Variants in ZNHIT6 observed in about 807,000 individuals in gnomAD.
ZNHIT6 encodes zinc finger HIT-type containing 6, also known as box C/D snoRNA protein 1.
A neutral mutation model predicts 57.2 loss-of-function variants in ZNHIT6; 45 were observed. That is an observed-to-expected ratio of 0.79 (90% confidence interval 0.62 to 1.01). The LOEUF is 1.01. Ranked by LOEUF, ZNHIT6 falls within the 50% of genes least tolerant of loss-of-function variation. ZNHIT6 has a pLI of 0.00. For synonymous variants in ZNHIT6, 188 were observed against 190.0 expected (o/e 0.99, Z 0.09); for missense variants, 528 against 567.3 (o/e 0.93, Z 0.70).
chr1:85,662,712 CTT>C (rs1401891903), intron 8 of ZNHIT6, among the ~76,000 whole-genome samples: 1 of 152,090 alleles, frequency 6.6e-6, no homozygotes, highest in African/African-American at 2.4e-5. Flanking sequence ...GTTTGATGCA[CTT>C]TGTTTTGGGA....
At chr1:85,704,613 TA>T (rs979933841) in intron 4 of ZNHIT6, among the ~76,000 whole-genome samples, 34 of 151,638 alleles carry the variant, frequency 2.2e-4, no homozygotes, top group East Asian at 1.4e-3. Flanking sequence ...TTTCACAATT[TA>T]AAAAAAAATT....
intron 8 of ZNHIT6, among the ~76,000 whole-genome samples, chr1:85,665,865 G>C (rs1038956827): frequency 6.6e-6 from 1 of 152,096 alleles, no homozygotes; most frequent in African/African-American, 2.4e-5. Flanking sequence ...TTATAGAATG[G>C]TATTATTTTA....
At chr1:85,704,004 C>T (rs761397951) in intron 4 of ZNHIT6, among the ~76,000 whole-genome samples, 1 of 151,990 alleles carries the variant, frequency 6.6e-6, no homozygotes, top group African/African-American at 2.4e-5. Flanking sequence ...ATCCAAATGG[C>T]CAATAAAGTA....
chr1:85,678,706 A>G lies in ZNHIT6; in HGVS notation c.1164T>C (p.Arg388=). ...ACAATATTTTTGAAGCATACCTTTG[A>G]CGAATTACAGGATCAGACTTTTCAG... ...IDPEKSDPVI[R]QRLKAYIRSQ... is the part of the protein sequence containing the mutation. The change falls in exon 7 of 10, where the codon CGT becomes CGC. Residue 388 remains arginine (R), a synonymous_variant. Coordinates refer to ENST00000370574, the MANE Select transcript of ZNHIT6 (RefSeq NM_017953.4). 1 of 1,578,692 alleles carries G rather than the reference A, an allele frequency of 6.3e-7. No individual in the cohort carries two copies. Among genetic ancestry groups the G allele is most frequent in the Non-Finnish European group, 8.6e-7 (1 of 1,160,576 alleles).
rs1186536658 is a variant in ZNHIT6 at position 85,708,361 on chromosome 1, G to T, written c.-77C>A. 6.6e-7 allele frequency: 1 copy of T among 1,504,060 alleles called. No individual in the cohort carries two copies. Among genetic ancestry groups the T allele is most frequent in the Non-Finnish European group, 8.9e-7 (1 of 1,126,738 alleles). The allele number at this position is 1,504,060 out of a possible 1,614,324, so 93.2% of individuals were successfully genotyped here. On this transcript the variant is annotated 5_prime_UTR_variant, in exon 1 of 10. Transcript: ENST00000370574. ...TGCACACCAATAGGAGGAATTACCG[G>T]TCGGAATACCTACGGCGGCCCACGT...
intron 5 of ZNHIT6, among the ~76,000 whole-genome samples, chr1:85,694,588 C>T (rs774693178): frequency 6.6e-6 from 1 of 152,082 alleles, no homozygotes; most frequent in African/African-American, 2.4e-5. Flanking sequence ...CAGCCTCCCG[C>T]GTAGCTGGGA....
intron 8 of ZNHIT6, among the ~76,000 whole-genome samples, chr1:85,665,422 C>T (rs1180125114): frequency 5.3e-5 from 8 of 151,954 alleles, no homozygotes; most frequent in South Asian, 2.1e-4. Flanking sequence ...GCCACTGTGC[C>T]GGCCTCAAGT....
intron 5 of ZNHIT6, among the ~76,000 whole-genome samples, chr1:85,695,536 A>G (rs1389212032): frequency 6.6e-6 from 1 of 152,234 alleles, no homozygotes; most frequent in East Asian, 1.9e-4. Flanking sequence ...TATTTTGTTC[A>G]GCTTCAGAAA....
intron 4 of ZNHIT6, 108 bp downstream of exon 4, chr1:85,705,970 G>A (rs1230094971): frequency 7.8e-6 from 7 of 898,318 alleles, no homozygotes; most frequent in African/African-American, 3.4e-5. Flanking sequence ...AATCAGAATA[G>A]CTCTACATCA....
In ZNHIT6 at chr1:85,667,964, A is replaced by AAAAAAAAAAAAAAAAG. The variant is rs1557842173; in HGVS notation, c.1247+9271_1247+9272insCTTTTTTTTTTTTTTT. Among the ~76,000 whole-genome samples, 14 of 106,532 alleles carry AAAAAAAAAAAAAAAAG rather than the reference A, an allele frequency of 1.3e-4. 1 individual carries two copies. The highest frequency in any genetic ancestry group is 4.4e-3 in the Middle Eastern group (1 of 228). The allele number at this position is 106,532 out of a possible 152,430, so 69.9% of individuals were successfully genotyped here. A position where few individuals can be genotyped will look rare whatever the true frequency, so the allele number is the denominator to read the frequency against. ...CTCTCTTTCAAAAAAAAAAAAAAAT[A>AAAAAAAAAAAAAAAAG]TATATATATATATATATATATGCTC... is the stretch of plus-strand genomic sequence containing the variant. On this transcript the variant is annotated intron_variant, in intron 8 of 9. Coordinates refer to ENST00000370574, the MANE Select transcript of ZNHIT6 (RefSeq NM_017953.4).
At chr1:85,676,252 C>T (rs913715705) in intron 8 of ZNHIT6, among the ~76,000 whole-genome samples, 10 of 150,266 alleles carry the variant, frequency 6.7e-5, no homozygotes, top group African/African-American at 2.5e-4. Context: ...AGAAGAATCG[C>T]TTGAACCTGG....
At chr1:85,691,380 T>C (rs1394471303) in intron 5 of ZNHIT6, among the ~76,000 whole-genome samples, 4 of 152,184 alleles carry the variant, frequency 2.6e-5, no homozygotes, top group Admixed American at 2.0e-4. Flanking sequence ...GTCTGGGAAG[T>C]AGCAACTTCA....
chr1:85,657,967 A>C lies in ZNHIT6; in HGVS notation c.1252T>G (p.Tyr418Asp), dbSNP rs1661107944. ...AGACTTTTATAAGGATCTAGTTCATAATATCTTATTAATAAAAAAAAACAA... is the reference window on the plus strand; with the variant it reads ...AGACTTTTATAAGGATCTAGTTCATCATATCTTATTAATAAAAAAAAACAA... ...EYMQQNLVRY[Y>D]ELDPYKSLLD... Residue 418 changes from tyrosine to aspartate, a missense_variant, in exon 9 of 10, where the codon TAT (tyrosine) becomes GAT (aspartate). Physicochemically the swap from Tyr to Asp is radical, Grantham distance 160. Transcript: ENST00000370574. 6.8e-7 allele frequency: 1 copy of C among 1,478,368 alleles called. No homozygotes were observed. Among genetic ancestry groups the C allele is most frequent in the Non-Finnish European group, 9.2e-7 (1 of 1,090,922 alleles). 91.6% of individuals were successfully genotyped at this position (1,478,368 alleles called of 1,614,324 possible).
chr1:85,707,581 G>T, intron 1 of ZNHIT6, 48 bp downstream of exon 1: 1 of 1,497,652 alleles, frequency 6.7e-7, no homozygotes, highest in Non-Finnish European at 8.9e-7. Context: ...CTCTAGACAT[G>T]AGGACTCCAC....
At chr1:85,678,544 T>C (rs1260359130) in intron 7 of ZNHIT6, among the ~76,000 whole-genome samples, 157 bp downstream of exon 7, 1 of 152,208 alleles carries the variant, frequency 6.6e-6, no homozygotes, top group African/African-American at 2.4e-5. Context: ...ACAATGAATG[T>C]CAGCTATTTC....
intron 6 of ZNHIT6, among the ~76,000 whole-genome samples, chr1:85,679,943 CA>C (rs1281018657): frequency 5.3e-5 from 8 of 152,236 alleles, no homozygotes; most frequent in Non-Finnish European, 1.2e-4. Flanking sequence ...CGGTGGCTCA[CA>C]CTTGTAATTC....
rs940930810 is a variant in ZNHIT6 at position 85,661,150 on chromosome 1, C to G, written c.1248-3179G>C. Among the ~76,000 whole-genome samples the G allele has an allele frequency of 2.6e-5, 4 of 152,016 alleles. No individual in the cohort carries two copies. The South Asian group carries it at 8.3e-4, about 32-fold the overall frequency. On this transcript the variant is annotated intron_variant, in intron 8 of 9. Coordinates refer to ENST00000370574, the MANE Select transcript of ZNHIT6 (RefSeq NM_017953.4). Reference sequence around the variant, plus strand: ...TTTTGTAAACTGTTCATAAAGAAAGCCTATCAGACACATATGGGGTTAATA... The same window carrying G: ...TTTTGTAAACTGTTCATAAAGAAAGGCTATCAGACACATATGGGGTTAATA...
chr1:85,701,319 G>C (rs769358055), intron 5 of ZNHIT6, among the ~76,000 whole-genome samples: 2 of 152,134 alleles, frequency 1.3e-5, no homozygotes, highest in Non-Finnish European at 2.9e-5. Flanking sequence ...AAAGGAAGTT[G>C]ATTTGTTCAA....
chr1:85,702,949 C>T (rs188540312), intron 4 of ZNHIT6, among the ~76,000 whole-genome samples: 47 of 152,142 alleles, frequency 3.1e-4, no homozygotes, highest in African/African-American at 1.1e-3. Context: ...AAAATATAAA[C>T]GCAAGTTTTT....
Sources: allele counts gnomAD v4.1 joint callset (sites outside exome capture counted in the v4.1 genomes callset), GRCh38; gene constraint gnomAD v4.1.1; transcripts MANE v1.5; gene names NCBI Gene and HGNC (gene_info 2026-07-23, HGNC 2026-07-21).